Variants in GALNT14 observed in about 807,000 individuals in gnomAD.
The protein encoded by GALNT14 is UDP-GalNAc:polypeptide N-acetylgalactosaminyltransferase 14.
A neutral mutation model predicts 77.5 loss-of-function variants in GALNT14; 60 were observed. That is an observed-to-expected ratio of 0.77 (90% confidence interval 0.63 to 0.96). The LOEUF is 0.96. Ranked by LOEUF, GALNT14 falls within the 40% of genes least tolerant of loss-of-function variation. The probability of loss-of-function intolerance (pLI) is 0.00; values close to 1 mark genes in which losing one functional copy is unlikely to be tolerated. For synonymous variants in GALNT14, 280 were observed against 281.7 expected (o/e 0.99, Z 0.06); for missense variants, 710 against 731.0 (o/e 0.97, Z 0.33).
At chr2:30,943,094 G>A (rs953492419) in intron 8 of GALNT14, among the ~76,000 whole-genome samples, 2 of 152,176 alleles carry the variant, frequency 1.3e-5, no homozygotes, top group African/African-American at 2.4e-5. Context: ...GCAACCCTGT[G>A]GACACCTTAA....
At chr2:30,967,806 G>T (rs1378570796) in intron 2 of GALNT14, among the ~76,000 whole-genome samples, 1 of 152,040 alleles carries the variant, frequency 6.6e-6, no homozygotes, top group South Asian at 2.1e-4. Flanking sequence ...GCTTCCTCTG[G>T]TTTGAATCCC....
At chr2:31,122,000 T>G (rs1240321694) in intron 1 of GALNT14, among the ~76,000 whole-genome samples, 1 of 152,120 alleles carries the variant, frequency 6.6e-6, no homozygotes, top group Non-Finnish European at 1.5e-5. Flanking sequence ...CAGTGTTATT[T>G]GAAGGAATAA....
intron 3 of GALNT14, among the ~76,000 whole-genome samples, chr2:30,963,821 G>C (rs56944330): frequency 0.048 from 7,285 of 152,204 alleles, 378 homozygotes; most frequent in East Asian, 0.25. Context: ...CTTTGATCAA[G>C]CATTTATTCC....
At chr2:30,892,507 A>G in the GALNT14 span, among the ~76,000 whole-genome samples, 2 of 152,330 alleles carry the variant, frequency 1.3e-5, no homozygotes, top group South Asian at 4.1e-4. Context: ...GCAATTTATT[A>G]TGTCTTGTGC....
intron 1 of GALNT14, among the ~76,000 whole-genome samples, chr2:31,035,139 A>G (rs1011864810): frequency 2.0e-5 from 3 of 152,180 alleles, no homozygotes; most frequent in Middle Eastern, 3.2e-3. Flanking sequence ...AGTAGTTTGT[A>G]GTATTACTAT....
chr2:31,066,834 A>C (rs1441903032), intron 1 of GALNT14, among the ~76,000 whole-genome samples: 1 of 151,984 alleles, frequency 6.6e-6, no homozygotes, highest in Non-Finnish European at 1.5e-5. Context: ...CCCTCCAGAA[A>C]CAGAAAGGAG....
At position 31,073,795 on chromosome 2, in the gene GALNT14, C is replaced by T. The variant is rs114839679; in HGVS notation, c.129+64163G>A. Among the ~76,000 whole-genome samples the T allele has an allele frequency of 8.1e-3, 1,230 of 152,284 alleles. 15 individuals are homozygous for T. Among genetic ancestry groups the T allele is most frequent in the African/African-American group, 0.027 (1,107 of 41,560 alleles). On this transcript the variant is annotated intron_variant, in intron 1 of 14. Transcript: ENST00000349752. ...TGACTTGGAGTTTGACTTGGATTCACATTTTAAAATATCATTAGCCTCTGT... is the reference window on the plus strand; with the variant it reads ...TGACTTGGAGTTTGACTTGGATTCATATTTTAAAATATCATTAGCCTCTGT...
chr2:30,993,064 C>A (rs940570164), intron 1 of GALNT14, 57 bp from the exon 2 acceptor site: 2 of 1,576,196 alleles, frequency 1.3e-6, no homozygotes, highest in East Asian at 2.3e-5. Flanking sequence ...CACTAGCCCC[C>A]GTCTGCCTAT....
intron 1 of GALNT14, among the ~76,000 whole-genome samples, chr2:31,047,872 G>A (rs1415788940): frequency 6.6e-6 from 1 of 152,180 alleles, no homozygotes; most frequent in African/African-American, 2.4e-5. Context: ...CAACCACAAA[G>A]GGAATGACAC....
At chr2:31,056,300 T>C (rs530135328) in intron 1 of GALNT14, among the ~76,000 whole-genome samples, 3 of 152,330 alleles carry the variant, frequency 2.0e-5, no homozygotes, top group East Asian at 3.9e-4. Flanking sequence ...GTTTGGTAGG[T>C]TCGGGCTCAT....
chr2:31,044,957 TGG>T (rs1673343460), intron 1 of GALNT14, among the ~76,000 whole-genome samples: 1 of 150,146 alleles, frequency 6.7e-6, no homozygotes, highest in Non-Finnish European at 1.5e-5. Context: ...CCGTCAGGCA[TGG>T]GGAATTCAAA....
At chr2:31,128,054 C>G (rs945673412) in intron 1 of GALNT14, among the ~76,000 whole-genome samples, 2 of 152,128 alleles carry the variant, frequency 1.3e-5, no homozygotes, top group African/African-American at 4.8e-5. Flanking sequence ...AAAAACACCA[C>G]CATGGGCCCA....
intron 3 of GALNT14, 125 bp from the exon 4 acceptor site, chr2:30,958,589 C>A: frequency 1.4e-6 from 1 of 707,818 alleles, no homozygotes; most frequent in Non-Finnish European, 2.5e-6. Flanking sequence ...ACGGGCTTGT[C>A]CAGTCATATT....
chr2:30,901,815 C>T, the GALNT14 span, among the ~76,000 whole-genome samples: 1 of 152,152 alleles, frequency 6.6e-6, no homozygotes, highest in African/African-American at 2.4e-5. Flanking sequence ...GCTTCTGCCA[C>T]ACCTGGCCAC....
At chr2:30,903,974 A>G in the GALNT14 span, among the ~76,000 whole-genome samples, 1 of 152,228 alleles carries the variant, frequency 6.6e-6, no homozygotes, top group African/African-American at 2.4e-5. Context: ...TTATTAGAGT[A>G]AGAAACTTCT....
the GALNT14 span, among the ~76,000 whole-genome samples, chr2:30,890,011 G>A: frequency 6.6e-6 from 1 of 152,110 alleles, no homozygotes; most frequent in East Asian, 1.9e-4. Flanking sequence ...TCTGGGGAAT[G>A]AAAAAGAGGG....
Position 30,966,221 on chromosome 2 carries a change from C to T in GALNT14, c.381G>A (p.Leu127=), listed in dbSNP as rs1667993761. 1.2e-6 allele frequency: 2 copies of T among 1,613,940 alleles called. No homozygotes were observed. Among genetic ancestry groups the T allele is most frequent in the Non-Finnish European group, 1.7e-6 (2 of 1,179,850 alleles). Residue 127 remains leucine, a synonymous_variant, in exon 3 of 15, where the codon CTG becomes CTA. Coordinates refer to ENST00000349752, the MANE Select transcript of GALNT14 (RefSeq NM_024572.4). ...ITFHNEARST[L]LRTIRSVLNR... Reference sequence around the variant, plus strand: ...TGCCTCACCTGCGGATGGTCCTGAGCAGCGTGGAGCGGGCCTCGTTGTGGA... The same window carrying T: ...TGCCTCACCTGCGGATGGTCCTGAGTAGCGTGGAGCGGGCCTCGTTGTGGA...
intron 1 of GALNT14, among the ~76,000 whole-genome samples, chr2:31,060,331 G>GAC (rs1340899360): frequency 6.6e-6 from 1 of 152,042 alleles, no homozygotes; most frequent in Non-Finnish European, 1.5e-5. Context: ...AAGATCCCTG[G>GAC]ACACACACAA....
chr2:31,108,531 C>T (rs1241614889), intron 1 of GALNT14, among the ~76,000 whole-genome samples: 2 of 152,322 alleles, frequency 1.3e-5, no homozygotes, highest in East Asian at 3.9e-4. Context: ...CCCTATGCTA[C>T]TCCTTCAAGG....
Sources: allele counts gnomAD v4.1 joint callset (sites outside exome capture counted in the v4.1 genomes callset), GRCh38; gene constraint gnomAD v4.1.1; transcripts MANE v1.5; gene names NCBI Gene and HGNC (gene_info 2026-07-23, HGNC 2026-07-21).